Variants in FMN1 observed in about 807,000 individuals in gnomAD.
The protein encoded by FMN1 is formin 1.
In FMN1, 110 loss-of-function variants were observed where a neutral mutation model predicts 132.4. That is an observed-to-expected ratio of 0.83 (90% CI 0.71 to 0.97). FMN1 has a LOEUF of 0.97. FMN1 is among the 50% of genes least tolerant of loss of function. The pLI is 0.00. For synonymous variants in FMN1, 722 were observed against 651.7 expected (o/e 1.11, Z -1.64); for missense variants, 1,792 against 1,705.3 (o/e 1.05, Z -0.90).
At chr15:33,019,482 G>A (rs1369253661) in intron 6 of FMN1, among the ~76,000 whole-genome samples, 1 of 152,228 alleles carries the variant, frequency 6.6e-6, no homozygotes, top group Non-Finnish European at 1.5e-5. Flanking sequence ...CACGCCGTGC[G>A]ACTCCTCAGC....
intron 7 of FMN1, among the ~76,000 whole-genome samples, chr15:33,003,585 T>TA (rs767518431): frequency 6.6e-6 from 1 of 151,812 alleles, no homozygotes; most frequent in Non-Finnish European, 1.5e-5. Flanking sequence ...TGCTCATGGG[T>TA]AAGAATCAAT....
rs111264664 is a variant in FMN1, at chr15:33,083,677, T to C, written c.2043+5122A>G. On this transcript the variant is annotated intron_variant, in intron 5 of 20. Transcript: ENST00000616417. ...AATAAATTGGTAATGTCAGAGACGT[T>C]TGAACCACAGCGACTTCATCTTGAA... Among the ~76,000 whole-genome samples the C allele has an allele frequency of 7.4e-3, 1,125 of 152,336 alleles. 14 individuals are homozygous for C. The highest frequency in any genetic ancestry group is 0.024 in the African/African-American group (992 of 41,576).
intron 6 of FMN1, among the ~76,000 whole-genome samples, chr15:33,036,501 A>T (rs945713733): frequency 3.3e-5 from 5 of 152,186 alleles, no homozygotes; most frequent in African/African-American, 1.2e-4. Flanking sequence ...ATTTATGCTG[A>T]AAGAAATTAG....
Position 32,857,085 on chromosome 15 carries a change from C to A in FMN1, c.3858G>T (p.Val1286=). The A allele has an allele frequency of 1.2e-6, 2 of 1,613,688 alleles. No homozygotes were observed. The highest frequency in any genetic ancestry group is 1.6e-4 in the Middle Eastern group (1 of 6,062). Residue 1286 remains valine (V), a synonymous_variant, in exon 17 of 21, where the codon GTG becomes GTT. Coordinates refer to ENST00000616417, the MANE Select transcript of FMN1 (RefSeq NM_001277313.2). ...ACTCCTTTGGGGACTCCTTGCACAC[C>A]ACCACCATCTGTTTCTCACTTGCTG... ...QLEASEKQMV[V]VCKESPKEYL...
intron 4 of FMN1, among the ~76,000 whole-genome samples, chr15:33,089,346 G>GT (rs1404442933): frequency 6.6e-6 from 1 of 152,210 alleles, no homozygotes; most frequent in Non-Finnish European, 1.5e-5. Context: ...TCTGAGCCAA[G>GT]TCACTAATGT....
intron 15 of FMN1, among the ~76,000 whole-genome samples, chr15:32,888,946 C>T (rs543873646): frequency 9.3e-5 from 14 of 151,066 alleles, no homozygotes; most frequent in Middle Eastern, 3.4e-3. Context: ...GCAGCCTTGA[C>T]CTTCCAGGTC....
At chr15:33,166,788 C>T (rs146186307) in intron 3 of FMN1, among the ~76,000 whole-genome samples, 4 of 152,128 alleles carry the variant, frequency 2.6e-5, no homozygotes, top group South Asian at 4.1e-4. Flanking sequence ...AAATGCACTT[C>T]GTAAAATACC....
intron 9 of FMN1, among the ~76,000 whole-genome samples, chr15:32,943,213 C>T (rs544227946): frequency 7.9e-5 from 12 of 152,306 alleles, no homozygotes; most frequent in African/African-American, 2.6e-4. Context: ...ACATAGGGTA[C>T]ACGGTCAGCT....
intron 6 of FMN1, among the ~76,000 whole-genome samples, chr15:33,009,562 T>C (rs1465840343): frequency 1.3e-5 from 2 of 152,182 alleles, no homozygotes; most frequent in East Asian, 3.9e-4. Flanking sequence ...TCTCAAAATC[T>C]TTGCTAATAT....
At position 33,015,955 on chromosome 15, in the gene FMN1, T is replaced by C. The variant is rs1596474668; in HGVS notation, c.2162-7880A>G. Among the ~76,000 whole-genome samples the C allele has an allele frequency of 1.3e-5, 2 of 152,324 alleles. 1 individual carries two copies. ...CTGGACCAGGAGCATCAGCATCACC[T>C]GGAACATCTTAGAAATGCAAATTCT... On this transcript the variant is annotated intron_variant, in intron 6 of 20. Transcript: ENST00000616417.
chr15:33,041,716 G>C (rs1302747524), intron 6 of FMN1, among the ~76,000 whole-genome samples: 1 of 151,998 alleles, frequency 6.6e-6, no homozygotes, highest in Non-Finnish European at 1.5e-5. Flanking sequence ...AATAAGTGTT[G>C]TCAAGGATAT....
intron 16 of FMN1, among the ~76,000 whole-genome samples, chr15:32,877,412 A>G (rs965560085): frequency 3.3e-5 from 5 of 152,268 alleles, no homozygotes; most frequent in Admixed American, 2.6e-4. Flanking sequence ...TATAATTTGA[A>G]AGTTGACTTT....
chr15:33,151,192 G>A, intron 4 of FMN1: 2 of 1,518,740 alleles, frequency 1.3e-6, no homozygotes, highest in Non-Finnish European at 8.8e-7. Flanking sequence ...GCCAATAGGA[G>A]GTAATGGCTG....
At chr15:32,934,411 T>C (rs569876626) in intron 9 of FMN1, among the ~76,000 whole-genome samples, 4 of 152,274 alleles carry the variant, frequency 2.6e-5, no homozygotes, top group African/African-American at 4.8e-5. Flanking sequence ...TTTATCTGTA[T>C]ATATACCTTT....
intron 9 of FMN1, among the ~76,000 whole-genome samples, chr15:32,935,347 G>A (rs947068274): frequency 2.0e-5 from 3 of 152,120 alleles, no homozygotes; most frequent in African/African-American, 7.2e-5. Flanking sequence ...TCTTGTTGGG[G>A]TGCCCTTATA....
chr15:33,066,889 T>C, intron 5 of FMN1: 1 of 1,614,006 alleles, frequency 6.2e-7, no homozygotes, highest in Non-Finnish European at 8.5e-7. Flanking sequence ...TCGGATCAGT[T>C]GCTTTCTTCT....
At chr15:32,778,466 A>G (rs560639049) in intron 19 of FMN1, among the ~76,000 whole-genome samples, 1 of 151,988 alleles carries the variant, frequency 6.6e-6, no homozygotes, top group South Asian at 2.1e-4. Context: ...AAGACAAATT[A>G]TACCCCCTCC....
At chr15:32,875,082 A>G (rs1374954672) in intron 16 of FMN1, among the ~76,000 whole-genome samples, 2 of 152,234 alleles carry the variant, frequency 1.3e-5, no homozygotes, top group African/African-American at 2.4e-5. Context: ...TAATTCCTTG[A>G]AAACAACAAC....
At chr15:33,169,000 A>C (rs975853464) in intron 3 of FMN1, among the ~76,000 whole-genome samples, 1 of 152,174 alleles carries the variant, frequency 6.6e-6, no homozygotes, top group African/African-American at 2.4e-5. Flanking sequence ...TGCCACTCAC[A>C]ATTTCGATAC....
Sources: gnomAD v4.1 joint callset for allele counts (sites outside exome capture counted in the v4.1 genomes callset) on GRCh38, gnomAD v4.1.1 for gene constraint, MANE v1.5 for transcripts, NCBI Gene and HGNC (gene_info 2026-07-23, HGNC 2026-07-21) for gene names.